Variants in VAV2 observed in about 807,000 individuals in gnomAD.
The protein encoded by VAV2 is guanine nucleotide exchange factor VAV2.
A neutral mutation model predicts 132.5 loss-of-function variants in VAV2; 67 were observed. That is an observed-to-expected ratio of 0.51 (90% confidence interval 0.42 to 0.62). VAV2 has a LOEUF of 0.62. Ranked by LOEUF, VAV2 falls within the 20% of genes least tolerant of loss-of-function variation. The pLI, the probability that VAV2 is intolerant of heterozygous loss-of-function variation, is 0.00. For missense variants in VAV2, 938 were observed against 1,153.6 expected, an observed-to-expected ratio of 0.81 and a Z score of 2.71; for synonymous variants, 492 against 443.5, an observed-to-expected ratio of 1.11 and a Z score of -1.37.
chr9:133,917,275 A>T (rs1840126008), intron 2 of VAV2, among the ~76,000 whole-genome samples: 1 of 152,054 alleles, frequency 6.6e-6, no homozygotes, highest in Non-Finnish European at 1.5e-5. Context: ...GAGGTGACAA[A>T]CTCAGCACTC....
At chr9:133,808,408 G>A (rs1416470762) in intron 7 of VAV2, among the ~76,000 whole-genome samples, 2 of 152,248 alleles carry the variant, frequency 1.3e-5, no homozygotes, top group African/African-American at 4.8e-5. Context: ...AGTTGGCAAT[G>A]AAGACTCAGA....
chr9:133,972,078 T>C (rs1842353777), intron 1 of VAV2, among the ~76,000 whole-genome samples: 1 of 152,166 alleles, frequency 6.6e-6, no homozygotes, highest in Non-Finnish European at 1.5e-5. Flanking sequence ...AAGGCCATTC[T>C]GATTCATCCA....
At position 133,910,972 on chromosome 9, in the gene VAV2, C is replaced by T. The variant is rs115981446; in HGVS notation, c.321+28131G>A. Among the ~76,000 whole-genome samples, 1,047 of 152,170 alleles carry T rather than the reference C, an allele frequency of 6.9e-3. 17 individuals carry two copies. The highest frequency in any genetic ancestry group is 0.024 in the African/African-American group (978 of 41,512). On this transcript the variant is annotated intron_variant, in intron 2 of 29. Transcript: ENST00000371850. ...GCACACCGTGTTTGTCTATGGGTCA[C>T]GGCAGTGATGGGACAGAGCCAGAGA...
At chr9:133,908,256 G>A (rs970397996) in intron 2 of VAV2, among the ~76,000 whole-genome samples, 2 of 152,028 alleles carry the variant, frequency 1.3e-5, no homozygotes, top group Non-Finnish European at 2.9e-5. Flanking sequence ...CCAGGAGATG[G>A]GCGGAGATGG....
In VAV2 at chr9:133,828,550, C is replaced by A. The variant is rs115522107; in HGVS notation, c.449+5722G>T. On this transcript the variant is annotated intron_variant, in intron 4 of 29. Transcript: ENST00000371850. ...TTCCTGGACACCCAGCAGTGCTGCC[C>A]CCTGCAGCCAGCACAGGCTGACCCA... Among the ~76,000 whole-genome samples the A allele has an allele frequency of 4.2e-3, 646 of 152,052 alleles. 8 individuals carry two copies. Among genetic ancestry groups the A allele is most frequent in the African/African-American group, 0.015 (612 of 41,282 alleles).
intron 7 of VAV2, among the ~76,000 whole-genome samples, chr9:133,808,447 T>G (rs1335086870): frequency 2.6e-5 from 4 of 152,280 alleles, no homozygotes; most frequent in East Asian, 1.9e-4. Flanking sequence ...CAGGGCCAGG[T>G]TGACCAGGTG....
intron 3 of VAV2, among the ~76,000 whole-genome samples, chr9:133,841,570 G>A (rs1836725076): frequency 6.6e-6 from 1 of 152,078 alleles, no homozygotes; most frequent in Non-Finnish European, 1.5e-5. Context: ...CCCTGCCCAG[G>A]GCCAACATGC....
At chr9:133,942,552 T>C (rs619173) in intron 1 of VAV2, among the ~76,000 whole-genome samples, 59,782 of 152,296 alleles carry the variant, frequency 0.39, 11,956 homozygotes, top group Non-Finnish European at 0.43. Flanking sequence ...GCTTCCAGCC[T>C]GGCGTGACTA....
In VAV2 at chr9:133,788,043, A is replaced by T. The variant is rs980603922; in HGVS notation, c.1407+311T>A. Among the ~76,000 whole-genome samples, 3 of 152,180 alleles carry T rather than the reference A, an allele frequency of 2.0e-5. No individual in the cohort carries two copies. Among genetic ancestry groups the T allele is most frequent in the Admixed American group, 6.5e-5 (1 of 15,282 alleles). On this transcript the variant is annotated intron_variant, in intron 15 of 29. Transcript: ENST00000371850. The surrounding 1 kb of genome is among the most constrained non-coding windows in gnomAD (Gnocchi z 5.3). The stretch of plus-strand genomic sequence containing the variant: ...AGCCAAGGTTGAAAGTCCCACCCTC[A>T]CTAGAGGCCTTGGGGTGGCCTCTCC...
At chr9:133,814,554 AG>A (rs1835482876) in intron 4 of VAV2, among the ~76,000 whole-genome samples, 1 of 152,204 alleles carries the variant, frequency 6.6e-6, no homozygotes, top group South Asian at 2.1e-4. Context: ...TTTCTCCAAC[AG>A]GCCAGGTGGA....
intron 1 of VAV2, among the ~76,000 whole-genome samples, chr9:133,960,117 T>C (rs1256489859): frequency 6.6e-6 from 1 of 152,198 alleles, no homozygotes; most frequent in African/African-American, 2.4e-5. Flanking sequence ...CTACCGCTCA[T>C]TGTTCCACTC....
intron 2 of VAV2, among the ~76,000 whole-genome samples, chr9:133,907,819 C>T (rs980159027): frequency 5.3e-5 from 8 of 152,210 alleles, no homozygotes; most frequent in Admixed American, 3.3e-4. Flanking sequence ...GTGGCACAGA[C>T]GGCACAGTGG....
intron 2 of VAV2, among the ~76,000 whole-genome samples, chr9:133,893,757 C>T (rs1441279976): frequency 6.6e-6 from 1 of 152,190 alleles, no homozygotes; most frequent in Non-Finnish European, 1.5e-5. Flanking sequence ...CACCCACAGC[C>T]GCGATGACCG....
intron 21 of VAV2, 107 bp from the exon 22 acceptor site, chr9:133,778,996 C>T (rs1031679926): frequency 6.8e-7 from 1 of 1,468,474 alleles, no homozygotes; most frequent in Non-Finnish European, 9.2e-7. Flanking sequence ...TCCCCCAGCA[C>T]ACACAGCCTT....
chr9:133,783,735 C>T (rs1319199010), intron 18 of VAV2, 144 bp from the exon 19 acceptor site: 2 of 712,722 alleles, frequency 2.8e-6, no homozygotes, highest in Non-Finnish European at 2.5e-6. Context: ...CCTGAGTATC[C>T]AGGACCCTCC....
rs1323042621 is a variant in VAV2, at chr9:133,823,326, A to G, written c.449+10946T>C. Among the ~76,000 whole-genome samples, 1 of 152,198 alleles carries G rather than the reference A, an allele frequency of 6.6e-6. No individual in the cohort carries two copies. Among genetic ancestry groups the G allele is most frequent in the Non-Finnish European group, 1.5e-5 (1 of 68,026 alleles). On this transcript the variant is annotated intron_variant, in intron 4 of 29. Transcript: ENST00000371850. The surrounding 1 kb of genome is among the most constrained non-coding windows in gnomAD (Gnocchi z 5.5). ...AAGCATCTGGTGAAGGTGAACTTCA[A>G]TTCAGCCTGGTAGGGTTGGGGGCTG...
chr9:133,904,950 GGCAGGGAGGGGAT>G (rs1839587297), intron 2 of VAV2, among the ~76,000 whole-genome samples: 1 of 152,266 alleles, frequency 6.6e-6, no homozygotes, highest in Admixed American at 6.5e-5. Context: ...TTGGGGCCCT[GGCAGGGAGGGGAT>G]GCAGGGAGCG....
At chr9:133,958,699 AC>A (rs1351227179) in intron 1 of VAV2, among the ~76,000 whole-genome samples, 1 of 152,102 alleles carries the variant, frequency 6.6e-6, no homozygotes, top group Non-Finnish European at 1.5e-5. Flanking sequence ...GTTCCACCTT[AC>A]GAGAAACACC....
intron 9 of VAV2, among the ~76,000 whole-genome samples, chr9:133,803,118 G>A (rs529217842): frequency 3.9e-5 from 6 of 152,162 alleles, no homozygotes; most frequent in African/African-American, 1.4e-4. Context: ...AGCCTCACTC[G>A]TTCCAGGATT....
Sources: allele counts gnomAD v4.1 joint callset (sites outside exome capture counted in the v4.1 genomes callset), GRCh38; gene constraint gnomAD v4.1.1; non-coding constraint Gnocchi (gnomAD v3.1); transcripts MANE v1.5; gene names NCBI Gene and HGNC (gene_info 2026-07-23, HGNC 2026-07-21).